ATXN7: variants seen among roughly 807,000 people sequenced by gnomAD.
ATXN7 encodes the protein ataxin 7, also known as ataxin-7.
In ATXN7, 12 loss-of-function variants were observed where a neutral mutation model predicts 70.5. The ratio of observed to expected loss-of-function variants is 0.17; its 90% confidence interval spans 0.11 to 0.28. ATXN7 has a LOEUF of 0.28. Among genes scored for constraint, ATXN7 ranks in the 10% least tolerant of loss-of-function variants. The probability of loss-of-function intolerance (pLI) is 1.00; values close to 1 mark genes in which losing one functional copy is unlikely to be tolerated. For synonymous variants in ATXN7, 498 were observed against 448.7 expected (o/e 1.11, Z -1.39); for missense variants, 1,256 against 1,131.7 (o/e 1.11, Z -1.58).
chr3:63,886,433 T>C (rs528552435), intron 1 of ATXN7, among the ~76,000 whole-genome samples: 3 of 152,334 alleles, frequency 2.0e-5, no homozygotes, highest in Admixed American at 2.0e-4. Context: ...GTGACAGATA[T>C]GCTCATTAGC....
chr3:63,977,964 A>T (rs1256221670), intron 5 of ATXN7, among the ~76,000 whole-genome samples: 3 of 152,238 alleles, frequency 2.0e-5, no homozygotes, highest in Non-Finnish European at 4.4e-5. Context: ...ACACTAATTC[A>T]AGACAAGTAG....
At chr3:63,914,854 T>A (rs1465671074) in intron 4 of ATXN7, among the ~76,000 whole-genome samples, 1 of 152,240 alleles carries the variant, frequency 6.6e-6, no homozygotes, top group African/African-American at 2.4e-5. Flanking sequence ...AGCATGTTTT[T>A]CATGAAGAAC....
At chr3:63,916,573 C>G (rs778236773) in intron 4 of ATXN7, among the ~76,000 whole-genome samples, 4 of 152,064 alleles carry the variant, frequency 2.6e-5, no homozygotes, top group Non-Finnish European at 5.9e-5. Flanking sequence ...GGTTGGAACT[C>G]TTGATTTAGA....
chr3:63,904,022 C>T (rs1191434971), intron 2 of ATXN7: 4 of 152,072 alleles, frequency 2.6e-5, no homozygotes, highest in South Asian at 4.2e-4. Context: ...ATAACTGTTT[C>T]TTCTATCTAG....
At chr3:63,990,499 T>C in intron 10 of ATXN7, 125 bp downstream of exon 10, 1 of 1,312,164 alleles carries the variant, frequency 7.6e-7, no homozygotes, top group African/African-American at 1.5e-5. Flanking sequence ...GTGAGAGAAG[T>C]TCAAAACAGG....
At chr3:63,877,339 A>G (rs1702774535) in intron 1 of ATXN7, among the ~76,000 whole-genome samples, 1 of 152,236 alleles carries the variant, frequency 6.6e-6, no homozygotes, top group Non-Finnish European at 1.5e-5. Context: ...CACTATTAAC[A>G]TTTTATGTAT....
In ATXN7 at chr3:63,980,070, T is replaced by G; in HGVS notation, c.655T>G (p.Ser219Ala). The G allele has an allele frequency of 6.2e-7, 1 of 1,614,102 alleles. No homozygotes were observed. Among genetic ancestry groups the G allele is most frequent in the East Asian group, 2.2e-5 (1 of 44,876 alleles). ...TGTTCTTAGCGCATCCTCATCAAGT[T>G]CCAAGTTGTTGAAATCACCCAAAGA... ...GGVLSASSSS[S>A]KLLKSPKEKL... Residue 219 changes from serine (S) to alanine (A), a missense_variant, in exon 6 of 13, where the codon TCC (serine) becomes GCC (alanine). Ser to Ala is a moderately conservative substitution (Grantham distance 99, BLOSUM62 1). Transcript: ENST00000674280.
intron 1 of ATXN7, among the ~76,000 whole-genome samples, chr3:63,891,294 C>T (rs1056692882): frequency 1.1e-4 from 16 of 151,806 alleles, no homozygotes; most frequent in African/African-American, 3.6e-4. Flanking sequence ...CAGGCGTGAG[C>T]GACGAGCGAC....
intron 1 of ATXN7, among the ~76,000 whole-genome samples, chr3:63,872,750 CTGTT>C (rs1052194926): frequency 2.6e-5 from 4 of 152,180 alleles, no homozygotes; most frequent in Non-Finnish European, 4.4e-5. Context: ...TAACTAAACT[CTGTT>C]TGTTTGCCAT....
chr3:63,975,201 G>A (rs1253957792), intron 5 of ATXN7, among the ~76,000 whole-genome samples: 4 of 152,122 alleles, frequency 2.6e-5, no homozygotes, highest in African/African-American at 9.7e-5. Context: ...CAGGTTCTGT[G>A]GGGGTTTCTT....
At chr3:63,881,585 T>C (rs1702913340) in intron 1 of ATXN7, among the ~76,000 whole-genome samples, 1 of 150,672 alleles carries the variant, frequency 6.6e-6, no homozygotes, top group Non-Finnish European at 1.5e-5. Flanking sequence ...GCCTCCTGGG[T>C]TCAAATGATT....
In ATXN7 at chr3:63,892,162, G is replaced by A. The variant is rs751632919; in HGVS notation, c.-110-6237G>A. On this transcript the variant is annotated intron_variant, in intron 1 of 12. Coordinates refer to ENST00000674280, the MANE Select transcript of ATXN7 (RefSeq NM_001377405.1). Reference sequence around the variant, plus strand: ...TAAGTATGGCCTCAGAGTAAAACGCGTGCTAGCTGTTCATTTATTTAACAT... The same window carrying A: ...TAAGTATGGCCTCAGAGTAAAACGCATGCTAGCTGTTCATTTATTTAACAT... Among the ~76,000 whole-genome samples, 109 of 152,104 alleles carry A rather than the reference G, an allele frequency of 7.2e-4. 1 individual carries two copies. The highest frequency in any genetic ancestry group is 1.4e-3 in the Non-Finnish European group (95 of 68,040).
intron 5 of ATXN7, among the ~76,000 whole-genome samples, chr3:63,962,846 A>T (rs2075153614): frequency 6.6e-6 from 1 of 151,984 alleles, no homozygotes; most frequent in African/African-American, 2.4e-5. Context: ...TAGCCAAACA[A>T]ATTAAGAGAG....
At position 63,912,690 on chromosome 3, in the gene ATXN7, A is replaced by G. The variant is rs866637540; in HGVS notation, c.92A>G (p.Gln31Arg). Residue 31 changes from glutamine to arginine, a missense_variant, in exon 3 of 13, where the codon CAG becomes CGG. Physicochemically the swap from Gln to Arg is conservative, Grantham distance 43. Transcript: ENST00000674280. ...GGAAAAAARQ[Q>R]QQQQQQQQPP... The stretch of plus-strand genomic sequence containing the variant: ...GCAGCGGCCGCGGCCGCCCGGCAGC[A>G]GCAGCAGCAGCAGCAGCAGCAGCAG... 4.3e-5 allele frequency: 48 copies of G among 1,104,280 alleles called. No homozygotes were observed. Among genetic ancestry groups the G allele is most frequent in the Non-Finnish European group, 5.2e-5 (47 of 899,696 alleles). 68.4% of individuals were successfully genotyped at this position (1,104,280 alleles called of 1,614,324 possible).
intron 2 of ATXN7, among the ~76,000 whole-genome samples, chr3:63,910,794 C>A (rs1232576595): frequency 6.6e-6 from 1 of 152,120 alleles, no homozygotes; most frequent in Admixed American, 6.6e-5. Flanking sequence ...AAAAATTTTA[C>A]AGACTTATTT....
chr3:63,899,211 C>T (rs1263851563), intron 2 of ATXN7, among the ~76,000 whole-genome samples: 3 of 151,938 alleles, frequency 2.0e-5, no homozygotes, highest in Admixed American at 6.5e-5. Context: ...TACAGGTGTG[C>T]ACCACTACAC....
upstream of ATXN7, chr3:63,863,430 C>T (rs1478659992): frequency 1.9e-5 from 21 of 1,104,002 alleles, no homozygotes; most frequent in Non-Finnish European, 2.3e-5. Flanking sequence ...TGGTCCCACC[C>T]GCCCTTGCAC....
chr3:63,943,453 C>T (rs1328696204), intron 4 of ATXN7, among the ~76,000 whole-genome samples: 1 of 152,028 alleles, frequency 6.6e-6, no homozygotes, highest in Non-Finnish European at 1.5e-5. Flanking sequence ...CTGGTAAGCA[C>T]GGCCAGCTCA....
intron 4 of ATXN7, among the ~76,000 whole-genome samples, chr3:63,926,378 C>T (rs988423862): frequency 2.6e-5 from 4 of 152,116 alleles, no homozygotes; most frequent in Admixed American, 6.5e-5. Flanking sequence ...TTTTCTGAGT[C>T]GTGACTTGTA....
Sources: allele counts gnomAD v4.1 joint callset (sites outside exome capture counted in the v4.1 genomes callset), GRCh38; gene constraint gnomAD v4.1.1; transcripts MANE v1.5; gene names NCBI Gene and HGNC (gene_info 2026-07-23, HGNC 2026-07-21).